The following MCPH1 variants were observed in gnomAD, a reference collection of about 807,000 sequenced individuals.
The protein encoded by MCPH1 is microcephalin.
MCPH1 carries 104 observed loss-of-function variants against 84.5 expected under a neutral mutation model. That is an observed-to-expected ratio of 1.23 (90% CI 1.05 to 1.45). The LOEUF (loss-of-function observed/expected upper bound fraction) is 1.45. MCPH1 is among the 40% of genes most tolerant of loss of function. MCPH1 has a pLI of 0.00. For missense variants in MCPH1, 1,498 were observed against 1,005.7 expected (o/e 1.49, Z -6.62); for synonymous variants, 514 against 366.8 (o/e 1.40, Z -4.58).
At chr8:6,474,395 T>A (rs1249797670) in intron 9 of MCPH1, 2 of 294,954 alleles carry the variant, frequency 6.8e-6, no homozygotes, top group East Asian at 1.5e-4. Context: ...TCAGGGAGTC[T>A]GTGGGGTCAA....
intron 12 of MCPH1, among the ~76,000 whole-genome samples, chr8:6,577,236 G>A (rs1827199494): frequency 6.6e-6 from 1 of 152,090 alleles, no homozygotes; most frequent in Non-Finnish European, 1.5e-5. Flanking sequence ...CCCTGCGTGG[G>A]GCTTCTGTCC....
chr8:6,533,685 G>C (rs1586438132), intron 12 of MCPH1, among the ~76,000 whole-genome samples: 1 of 145,774 alleles, frequency 6.9e-6, no homozygotes, highest in Non-Finnish European at 1.5e-5. Flanking sequence ...TTTTCACATA[G>C]TGTAACAAAC....
At chr8:6,464,586 C>A (rs945950553) in intron 9 of MCPH1, among the ~76,000 whole-genome samples, 1 of 152,184 alleles carries the variant, frequency 6.6e-6, no homozygotes, top group Admixed American at 6.5e-5. Context: ...GGGTGGATCT[C>A]CTGTGCCTCA....
intron 2 of MCPH1, among the ~76,000 whole-genome samples, chr8:6,410,537 G>C (rs150289650): frequency 1.3e-5 from 2 of 152,068 alleles, no homozygotes; most frequent in Admixed American, 6.5e-5. Flanking sequence ...TTACTATCAC[G>C]TACTGCTTGT....
intron 12 of MCPH1, among the ~76,000 whole-genome samples, chr8:6,531,113 C>T (rs1046320991): frequency 6.6e-6 from 1 of 152,072 alleles, no homozygotes. Flanking sequence ...GAGTCACGAC[C>T]ACGGCCTTGA....
chr8:6,492,303 C>T (rs866761806), intron 11 of MCPH1, among the ~76,000 whole-genome samples: 32 of 152,244 alleles, frequency 2.1e-4, no homozygotes, highest in Non-Finnish European at 3.7e-4. Context: ...TCATATCCTT[C>T]GCCCACTTGT....
At chr8:6,412,681 A>G (rs1798706382) in intron 2 of MCPH1, among the ~76,000 whole-genome samples, 1 of 152,168 alleles carries the variant, frequency 6.6e-6, no homozygotes, top group Non-Finnish European at 1.5e-5. Flanking sequence ...AGTGTGTACT[A>G]AATTTGATAA....
intron 11 of MCPH1, among the ~76,000 whole-genome samples, chr8:6,484,975 G>T (rs1412913004): frequency 6.6e-6 from 1 of 152,182 alleles, no homozygotes; most frequent in African/African-American, 2.4e-5. Context: ...AAAACACAGA[G>T]AACTGTACAC....
intron 12 of MCPH1, chr8:6,508,772 A>G (rs1814313931): frequency 9.4e-7 from 1 of 1,064,210 alleles, no homozygotes; most frequent in African/African-American, 1.6e-5. Context: ...CTTAGTCTAA[A>G]AAAAGTGAAA....
chr8:6,611,328 C>A (rs1248377899), intron 12 of MCPH1, among the ~76,000 whole-genome samples: 1 of 152,178 alleles, frequency 6.6e-6, no homozygotes, highest in African/African-American at 2.4e-5. Flanking sequence ...ATTGCTTGTC[C>A]CAAATCCCCG....
chr8:6,533,891 A>G (rs756046304), intron 12 of MCPH1, among the ~76,000 whole-genome samples: 17 of 152,086 alleles, frequency 1.1e-4, no homozygotes, highest in Non-Finnish European at 2.4e-4. Flanking sequence ...GGAAGGGTAG[A>G]GTTTCTCTCT....
chr8:6,539,543 G>C (rs995900220), intron 12 of MCPH1, among the ~76,000 whole-genome samples: 4 of 152,106 alleles, frequency 2.6e-5, no homozygotes, highest in Admixed American at 1.3e-4. Flanking sequence ...TCCTGAAATG[G>C]ATCTGTTCTG....
intron 12 of MCPH1, among the ~76,000 whole-genome samples, chr8:6,585,029 G>A (rs762396079): frequency 3.9e-5 from 6 of 152,228 alleles, no homozygotes; most frequent in Non-Finnish European, 8.8e-5. Flanking sequence ...ATCCCAGTGC[G>A]AGGGCACAGT....
At chr8:6,484,236 A>G (rs1158634128) in intron 11 of MCPH1, among the ~76,000 whole-genome samples, 1 of 152,250 alleles carries the variant, frequency 6.6e-6, no homozygotes, top group Non-Finnish European at 1.5e-5. Flanking sequence ...CTCAAACAAA[A>G]AATGGCAAAG....
chr8:6,621,290 A>G, intron 12 of MCPH1, 164 bp from the exon 13 acceptor site: 1 of 866,912 alleles, frequency 1.2e-6, no homozygotes, highest in South Asian at 1.6e-5. Flanking sequence ...CATTAATGTC[A>G]TCATCTTCTC....
intron 12 of MCPH1, chr8:6,527,463 C>T (rs1158681497): frequency 1.3e-6 from 2 of 1,481,544 alleles, no homozygotes; most frequent in African/African-American, 2.8e-5. Context: ...CATGAAGAAA[C>T]TCACCATTCT....
At chr8:6,408,853 C>T (rs1288825275) in intron 1 of MCPH1, among the ~76,000 whole-genome samples, 2 of 151,798 alleles carry the variant, frequency 1.3e-5, no homozygotes, top group Non-Finnish European at 2.9e-5. Context: ...TGAGCCACCA[C>T]ACCTGGCCAG....
At chr8:6,524,704 C>T (rs1818006657) in intron 12 of MCPH1, among the ~76,000 whole-genome samples, 1 of 152,192 alleles carries the variant, frequency 6.6e-6, no homozygotes, top group Admixed American at 6.5e-5. Context: ...ATGGTCTTCA[C>T]ATCATCAAGC....
intron 13 of MCPH1, chr8:6,626,370 C>G (rs886238992): frequency 3.0e-6 from 3 of 985,134 alleles, no homozygotes; most frequent in African/African-American, 3.5e-5. Flanking sequence ...TCTTCATTCC[C>G]TGGAGTCTTT....
Sources: allele counts gnomAD v4.1 joint callset (sites outside exome capture counted in the v4.1 genomes callset), GRCh38; gene constraint gnomAD v4.1.1; transcripts MANE v1.5; gene names NCBI Gene and HGNC (gene_info 2026-07-23, HGNC 2026-07-21).